KPNA6: variants seen among roughly 807,000 people sequenced by gnomAD.
The protein encoded by KPNA6 is importin subunit alpha-7.
KPNA6 carries 9 observed loss-of-function variants against 72.0 expected under a neutral mutation model. The observed-to-expected ratio is 0.13, with a 90% CI of 0.08 to 0.22. KPNA6 has a LOEUF of 0.22. Ranked by LOEUF, KPNA6 falls within the 10% of genes least tolerant of loss-of-function variation. The probability of loss-of-function intolerance (pLI) is 1.00; values close to 1 mark genes in which losing one functional copy is unlikely to be tolerated. For missense variants in KPNA6, 374 were observed against 655.7 expected (o/e 0.57, Z 4.69); for synonymous variants, 219 against 242.1 (o/e 0.90, Z 0.89).
At position 32,169,355 on chromosome 1, in the gene KPNA6, A is replaced by G. The variant is rs1455284416; in HGVS notation, c.1245-527A>G. 4.8e-5 allele frequency among the ~76,000 whole-genome samples: 7 copies of G among 146,202 alleles called. No homozygotes were observed. In the East Asian group the frequency reaches 1.4e-3, roughly 30 times the overall value. On this transcript the variant is annotated intron_variant, in intron 12 of 13. Transcript: ENST00000373625. The stretch of plus-strand genomic sequence containing the variant: ...ACCCCAGCCTGGGTGACAGAGCAAG[A>G]CCCTGTCTCAAAAAAAAAAAAAGGA...
intron 5 of KPNA6, 104 bp from the exon 6 acceptor site, chr1:32,159,296 T>C (rs2124072547): frequency 7.8e-7 from 1 of 1,287,628 alleles, no homozygotes; most frequent in Non-Finnish European, 1.1e-6. Context: ...TTTGTTTTGG[T>C]TTTTTAAATT....
At chr1:32,168,394 T>G (rs1411889930) in intron 12 of KPNA6, among the ~76,000 whole-genome samples, 1 of 152,176 alleles carries the variant, frequency 6.6e-6, no homozygotes, top group Admixed American at 6.5e-5. Flanking sequence ...TTTCACCATG[T>G]TAGCAGGCTG....
Position 32,159,489 on chromosome 1 carries a change from T to C in KPNA6, c.516T>C (p.Phe172=), listed in dbSNP as rs1642198917. 1.2e-6 allele frequency: 2 copies of C among 1,614,200 alleles called. No individual in the cohort carries two copies. The highest frequency in any genetic ancestry group is 1.7e-6 in the Non-Finnish European group (2 of 1,180,030). The change falls in exon 6 of 14, where the codon TTT becomes TTC. Residue 172 remains phenylalanine (F), a synonymous_variant. Transcript: ENST00000373625. ...TTGAAGCAGGGGCTGTCCCCATTTT[T>C]ATAGAGCTGCTTAATTCAGACTTTG... is the stretch of plus-strand genomic sequence containing the variant. ...IVIEAGAVPI[F]IELLNSDFED...
intron 1 of KPNA6, among the ~76,000 whole-genome samples, chr1:32,131,139 C>T (rs1342636377): frequency 2.0e-5 from 3 of 151,946 alleles, no homozygotes; most frequent in Non-Finnish European, 2.9e-5. Flanking sequence ...ACTAAAAATA[C>T]AGAAATTGGC....
chr1:32,162,272 G>T, intron 8 of KPNA6, 89 bp from the exon 9 acceptor site: 1 of 1,236,502 alleles, frequency 8.1e-7, no homozygotes, highest in African/African-American at 1.5e-5. Context: ...TGTGTGTATT[G>T]TGGGGGCGGT....
chr1:32,145,852 G>A (rs999266136), intron 1 of KPNA6, among the ~76,000 whole-genome samples: 1 of 152,046 alleles, frequency 6.6e-6, no homozygotes, highest in African/African-American at 2.4e-5. Context: ...TATGAAATCA[G>A]GACATATGAG....
intron 1 of KPNA6, among the ~76,000 whole-genome samples, chr1:32,109,093 TAG>T (rs1306997447): frequency 6.6e-6 from 1 of 152,164 alleles, no homozygotes; most frequent in Non-Finnish European, 1.5e-5. Flanking sequence ...AGCTGAGCTT[TAG>T]AGAGGTAAAG....
At chr1:32,119,436 G>C (rs764105973) in intron 1 of KPNA6, among the ~76,000 whole-genome samples, 5 of 152,080 alleles carry the variant, frequency 3.3e-5, no homozygotes, top group Non-Finnish European at 7.4e-5. Context: ...TTAGGACCAG[G>C]CAGACAGCAG....
chr1:32,113,287 G>A (rs1387385219), intron 1 of KPNA6, among the ~76,000 whole-genome samples: 1 of 151,976 alleles, frequency 6.6e-6, no homozygotes, highest in East Asian at 1.9e-4. Flanking sequence ...CAGCTACTCA[G>A]GAAACTGAAG....
In KPNA6 at chr1:32,157,328, ACTT is replaced by A; in HGVS notation, c.232-17_232-15del. 1.2e-6 allele frequency: 2 copies of A among 1,601,874 alleles called. No individual in the cohort carries two copies. The highest frequency in any genetic ancestry group is 1.7e-6 in the Non-Finnish European group (2 of 1,169,066). On this transcript the variant is annotated splice_polypyrimidine_tract_variant and intron_variant, in intron 3 of 13. Transcript: ENST00000373625. ...CTAATGTTGGTTTGCAAAGTCCTAA[ACTT>A]GTTTTATGTTCTAGGAGAGTGTGAT...
chr1:32,162,590 A>T, intron 9 of KPNA6, 66 bp downstream of exon 9: 1 of 1,556,132 alleles, frequency 6.4e-7, no homozygotes, highest in Non-Finnish European at 8.8e-7. Context: ...TAATCCCAGC[A>T]CTTTGGGATG....
intron 1 of KPNA6, among the ~76,000 whole-genome samples, chr1:32,114,123 A>G (rs1015069628): frequency 8.5e-5 from 13 of 152,112 alleles, no homozygotes; most frequent in Non-Finnish European, 1.9e-4. Flanking sequence ...TAGCTACAGA[A>G]TGGATGTTGT....
At chr1:32,163,201 GCTGGCCTTCTGAT>G (rs773503948) in intron 9 of KPNA6, 21 bp from the exon 10 acceptor site, 1 of 1,444,432 alleles carries the variant, frequency 6.9e-7, no homozygotes, top group African/African-American at 1.4e-5. Context: ...AAAATGGTGT[GCTGGCCTTCTGAT>G]CAGATCTCCC....
chr1:32,118,995 T>TAC (rs1243591083), intron 1 of KPNA6, among the ~76,000 whole-genome samples: 61 of 85,208 alleles, frequency 7.2e-4, no homozygotes, highest in Non-Finnish European at 1.0e-3. Context: ...TGTGTGTGTA[T>TAC]ACATATATAT....
At chr1:32,147,650 CTTTTTTTT>C (rs915571659) in intron 1 of KPNA6, among the ~76,000 whole-genome samples, 3 of 81,882 alleles carry the variant, frequency 3.7e-5, no homozygotes, top group African/African-American at 4.9e-5. Context: ...GATTTCTTTT[CTTTTTTTT>C]TTTTTTTTTT....
At chr1:32,128,714 C>T (rs368064612) in intron 1 of KPNA6, among the ~76,000 whole-genome samples, 9 of 152,072 alleles carry the variant, frequency 5.9e-5, no homozygotes, top group African/African-American at 2.2e-4. Flanking sequence ...TTCTGACAGG[C>T]TTGCACATAA....
intron 1 of KPNA6, among the ~76,000 whole-genome samples, chr1:32,113,618 A>G (rs925147385): frequency 6.6e-6 from 1 of 152,084 alleles, no homozygotes; most frequent in Admixed American, 6.6e-5. Flanking sequence ...ATGCCCGGCT[A>G]ATTTTTTAAA....
At position 32,170,808 on chromosome 1, in the gene KPNA6, A is replaced by G; in HGVS notation, c.1525A>G (p.Ser509Gly). The change falls in exon 14 of 14, where the codon AGC becomes GGC. Residue 509 changes from serine to glycine, a missense_variant. Ser to Gly is a moderately conservative substitution (Grantham distance 56). This residue lies in a region of KPNA6 where 42 missense variants were observed against 49.8 expected (regional missense o/e 0.84). Coordinates refer to ENST00000373625, the MANE Select transcript of KPNA6 (RefSeq NM_012316.5). ...CTACTTTGGTGTAGAAGACGATGAT[A>G]GCAGCCTGGCTCCCCAAGTCGATGA... ...EHYFGVEDDD[S>G]SLAPQVDETQ... 2 of 1,614,220 alleles carry G rather than the reference A, an allele frequency of 1.2e-6. No homozygotes were observed. The highest frequency in any genetic ancestry group is 1.1e-5 in the South Asian group (1 of 91,088).
rs1167200074 is a variant in KPNA6 at position 32,166,032 on chromosome 1, AC to A, written c.991-72del. On this transcript the variant is annotated intron_variant, in intron 10 of 13. Coordinates refer to ENST00000373625, the MANE Select transcript of KPNA6 (RefSeq NM_012316.5). ...AACAAAAACAACAACAACAACAACA[AC>A]AACAAAAAAACATAAAAAAAATTAA... 6,314 of 1,455,292 alleles carry A rather than the reference AC, an allele frequency of 4.3e-3. 10 individuals carry two copies. Among genetic ancestry groups the A allele is most frequent in the South Asian group, 0.02 (1,383 of 69,056 alleles). 90.1% of individuals were successfully genotyped at this position (1,455,292 alleles called of 1,614,324 possible).
Sources: gnomAD v4.1 joint callset for allele counts (sites outside exome capture counted in the v4.1 genomes callset) on GRCh38, gnomAD v4.1.1 for gene constraint, gnomAD v4.1.1 regional missense constraint, MANE v1.5 for transcripts, NCBI Gene and HGNC (gene_info 2026-07-23, HGNC 2026-07-21) for gene names.